Variants in GASK1A observed in about 807,000 individuals in gnomAD.
GASK1A encodes the protein golgi associated kinase 1A.
A neutral mutation model predicts 41.2 loss-of-function variants in GASK1A; 40 were observed. The ratio of observed to expected loss-of-function variants is 0.97; its 90% CI spans 0.75 to 1.27. The LOEUF (loss-of-function observed/expected upper bound fraction) is 1.27, where lower values mean the gene tolerates loss of function less well. Ranked by LOEUF, GASK1A falls within the 50% of genes most tolerant of loss-of-function variation. GASK1A has a pLI of 0.00. For missense variants in GASK1A, 678 were observed against 745.1 expected (o/e 0.91, Z 1.05); for synonymous variants, 316 against 307.1 (o/e 1.03, Z -0.30).
At chr3:43,054,585 G>A (rs2089707254) in intron 3 of GASK1A, among the ~76,000 whole-genome samples, 1 of 152,134 alleles carries the variant, frequency 6.6e-6, no homozygotes, top group South Asian at 2.1e-4. Flanking sequence ...CTGGAGTCCT[G>A]GAAACAGAAG....
At chr3:43,040,483 T>G (rs887215575) in intron 2 of GASK1A, among the ~76,000 whole-genome samples, 3 of 152,170 alleles carry the variant, frequency 2.0e-5, no homozygotes, top group African/African-American at 7.2e-5. Context: ...TTCCTTCCCC[T>G]TCCCAGATCC....
intron 1 of GASK1A, among the ~76,000 whole-genome samples, chr3:43,024,764 G>C (rs906160922): frequency 1.3e-5 from 2 of 152,204 alleles, no homozygotes; most frequent in African/African-American, 2.4e-5. Context: ...ATAGTCTGGA[G>C]ATGCAATTGT....
At chr3:43,013,053 G>A (rs778358001) in intron 1 of GASK1A, among the ~76,000 whole-genome samples, 6 of 151,434 alleles carry the variant, frequency 4.0e-5, no homozygotes, top group Non-Finnish European at 8.8e-5. Flanking sequence ...GCTGTGGGAA[G>A]TCACAGGGAG....
At chr3:43,004,586 G>A (rs2089425591) in intron 1 of GASK1A, among the ~76,000 whole-genome samples, 1 of 152,134 alleles carries the variant, frequency 6.6e-6, no homozygotes. Flanking sequence ...CTGGAACAGT[G>A]CTTCCCAAAC....
At chr3:43,006,944 C>T (rs1278617770) in intron 1 of GASK1A, among the ~76,000 whole-genome samples, 3 of 151,786 alleles carry the variant, frequency 2.0e-5, no homozygotes, top group Admixed American at 1.3e-4. Flanking sequence ...TTGCTCCACT[C>T]GACATAAGTT....
At position 43,040,878 on chromosome 3, in the gene GASK1A, C is replaced by CCCA. The variant is rs1381580959; in HGVS notation, c.1290+7327_1290+7328insACC. Among the ~76,000 whole-genome samples, 6 of 117,580 alleles carry CCCA rather than the reference C, an allele frequency of 5.1e-5. 2 individuals are homozygous for CCCA. The highest frequency in any genetic ancestry group is 6.5e-4 in the East Asian group (2 of 3,094). 77.1% of individuals were successfully genotyped at this position (117,580 alleles called of 152,430 possible). ...GGTATATCTCCCAATGCTATCCCTC[C>CCCA]CCCCCGCCACAACAGTCCGCAGAGT... On this transcript the variant is annotated intron_variant, in intron 2 of 4. Coordinates refer to ENST00000430121, the MANE Select transcript of GASK1A (RefSeq NM_001129908.3).
At chr3:43,055,802 G>T in intron 4 of GASK1A, 1 of 491,694 alleles carries the variant, frequency 2.0e-6, no homozygotes, top group Non-Finnish European at 3.7e-6. Context: ...TCCTTCCCTT[G>T]TTCTGGGTGA....
At chr3:43,012,227 C>T (rs375267153) in intron 1 of GASK1A, among the ~76,000 whole-genome samples, 17 of 150,438 alleles carry the variant, frequency 1.1e-4, no homozygotes, top group East Asian at 6.1e-4. Flanking sequence ...CTGTTTGAAG[C>T]CACTGGAAGG....
chr3:42,984,313 T>TC lies in GASK1A; in HGVS notation c.3+4668_3+4669insC. On this transcript the variant is annotated intron_variant, in intron 1 of 4. Transcript: ENST00000430121. This position sits in a 1 kb window ranked among gnomAD's most constrained non-coding sequence, Gnocchi z 4.2. Reference sequence around the variant, plus strand: ...CACTTCCTATCTCTCTCTCTCTCTCTTTCTCTCTCTCTCACACACACACAC... The same window carrying TC: ...CACTTCCTATCTCTCTCTCTCTCTCTCTTCTCTCTCTCTCACACACACACAC... Among the ~76,000 whole-genome samples, 3 of 151,738 alleles carry TC rather than the reference T, an allele frequency of 2.0e-5. No homozygotes were observed. Among genetic ancestry groups the TC allele is most frequent in the East Asian group, 1.9e-4 (1 of 5,166 alleles).
chr3:43,044,103 A>G (rs2089650275), intron 2 of GASK1A, among the ~76,000 whole-genome samples: 2 of 152,346 alleles, frequency 1.3e-5, no homozygotes, highest in African/African-American at 4.8e-5. Context: ...TCTGCACAGA[A>G]TGGCCTTGAG....
chr3:42,989,982 T>C (rs1313772691), intron 1 of GASK1A, among the ~76,000 whole-genome samples: 1 of 152,124 alleles, frequency 6.6e-6, no homozygotes, highest in Non-Finnish European at 1.5e-5. Flanking sequence ...GCTCCCAGCG[T>C]TAGACTCACA....
intron 1 of GASK1A, among the ~76,000 whole-genome samples, chr3:43,027,045 T>C (rs1459362551): frequency 6.6e-6 from 1 of 152,218 alleles, no homozygotes; most frequent in Non-Finnish European, 1.5e-5. Flanking sequence ...CAATCTTAGA[T>C]TTCCCTTAAC....
At chr3:43,015,594 AAGT>A (rs2089486866) in intron 1 of GASK1A, among the ~76,000 whole-genome samples, 1 of 129,860 alleles carries the variant, frequency 7.7e-6, no homozygotes, top group Admixed American at 7.6e-5. Flanking sequence ...ACAGGAAGGA[AAGT>A]AGGAAGTCAC....
chr3:43,031,054 A>G (rs943098846), intron 1 of GASK1A, among the ~76,000 whole-genome samples: 2 of 152,320 alleles, frequency 1.3e-5, no homozygotes, highest in African/African-American at 4.8e-5. Flanking sequence ...TTTTCTGTGC[A>G]TTCCAGCAAA....
At chr3:42,992,906 G>A (rs7637698) in intron 1 of GASK1A, among the ~76,000 whole-genome samples, 25,403 of 152,176 alleles carry the variant, frequency 0.17, 2,613 homozygotes, top group Non-Finnish European at 0.23. Context: ...TACAGGAATC[G>A]GAAGTAGGTA....
At chr3:43,001,463 T>C (rs1028708181) in intron 1 of GASK1A, among the ~76,000 whole-genome samples, 2 of 152,224 alleles carry the variant, frequency 1.3e-5, no homozygotes. Context: ...TTATGAAATA[T>C]TGGTCTGTGC....
At chr3:43,039,127 C>T (rs1031042256) in intron 2 of GASK1A, among the ~76,000 whole-genome samples, 11 of 150,996 alleles carry the variant, frequency 7.3e-5, no homozygotes, top group Non-Finnish European at 1.6e-4. Context: ...TATTCTTTGC[C>T]CCATTTTCTT....
intron 2 of GASK1A, 21 bp from the exon 3 acceptor site, chr3:43,053,500 G>A (rs909349320): frequency 3.5e-5 from 53 of 1,522,400 alleles, no homozygotes; most frequent in African/African-American, 2.1e-4. Flanking sequence ...GCACCCCACC[G>A]AAGGCTGGGT....
rs548309659 is a variant in GASK1A, at chr3:43,022,577, A to G, written c.4-9690A>G. Among the ~76,000 whole-genome samples, 3 of 151,950 alleles carry G rather than the reference A, an allele frequency of 2.0e-5. No homozygotes were observed. In the East Asian group the frequency reaches 5.8e-4, roughly 29 times the overall value. ...AAATGTTGGTATTCTTGCCAGCTAT[A>G]TGGCCGTGGGCAAACATTGGCACTC... On this transcript the variant is annotated intron_variant, in intron 1 of 4. Coordinates refer to ENST00000430121, the MANE Select transcript of GASK1A (RefSeq NM_001129908.3).
Sources: gnomAD v4.1 joint callset for allele counts (sites outside exome capture counted in the v4.1 genomes callset) on GRCh38, gnomAD v4.1.1 for gene constraint, Gnocchi (gnomAD v3.1) non-coding constraint, MANE v1.5 for transcripts, NCBI Gene and HGNC (gene_info 2026-07-23, HGNC 2026-07-21) for gene names.